Variants in FAF2 observed in about 807,000 individuals in gnomAD.
FAF2 encodes the protein Fas associated factor family member 2.
A neutral mutation model predicts 62.3 loss-of-function variants in FAF2; 9 were observed. The ratio of observed to expected loss-of-function variants is 0.14; its 90% CI spans 0.09 to 0.25. The LOEUF (loss-of-function observed/expected upper bound fraction) is 0.25, where lower values mean the gene tolerates loss of function less well. Among genes scored for constraint, FAF2 ranks in the 10% least tolerant of loss-of-function variants. The pLI is 1.00. For synonymous variants in FAF2, 202 were observed against 198.0 expected, an observed-to-expected ratio of 1.02 and a Z score of -0.17; for missense variants, 368 against 556.2, an observed-to-expected ratio of 0.66 and a Z score of 3.40.
Position 176,494,087 on chromosome 5 carries a change from A to G in FAF2, c.569+3A>G. The stretch of plus-strand genomic sequence containing the variant: ...CAGGACTCTGATGAGTTTTGTCGGT[A>G]AGTGGATTGATTATTTTCCTTCTCT... On this transcript the variant is annotated splice_donor_region_variant and intron_variant, in intron 6 of 10. Transcript: ENST00000261942. The surrounding 1 kb of genome is among the most constrained non-coding windows in gnomAD (Gnocchi z 4.0). The G allele has an allele frequency of 2.5e-6, 4 of 1,613,510 alleles. No homozygotes were observed. The highest frequency in any genetic ancestry group is 3.4e-6 in the Non-Finnish European group (4 of 1,179,462).
chr5:176,504,536 A>G (rs1442379965), intron 10 of FAF2, among the ~76,000 whole-genome samples: 2 of 151,836 alleles, frequency 1.3e-5, no homozygotes. Context: ...GTGAGCCGAG[A>G]TCCTGCCACT....
chr5:176,490,091 C>G (rs1396034769), intron 4 of FAF2, among the ~76,000 whole-genome samples: 1 of 151,904 alleles, frequency 6.6e-6, no homozygotes, highest in East Asian at 2.0e-4. Context: ...GTGGGCGGAT[C>G]ACAACGTCAG....
intron 2 of FAF2, among the ~76,000 whole-genome samples, chr5:176,481,367 A>G (rs1175332705): frequency 6.6e-6 from 1 of 152,002 alleles, no homozygotes; most frequent in African/African-American, 2.4e-5. Flanking sequence ...TTTCTAAGAG[A>G]CAGGGTTGGG....
At chr5:176,477,106 CCTT>C (rs1238399500) in intron 1 of FAF2, among the ~76,000 whole-genome samples, 2,875 of 143,582 alleles carry the variant, frequency 0.02, 70 homozygotes, top group African/African-American at 0.074. Context: ...CCGTGCCCGG[CCTT>C]TTTTTTTTTT....
Position 176,479,316 on chromosome 5 carries a change from C to T in FAF2, c.132+60C>T, listed in dbSNP as rs996727818. 1.7e-5 allele frequency: 23 copies of T among 1,355,100 alleles called. No homozygotes were observed. In the African/African-American group the frequency reaches 1.9e-4, roughly 11 times the overall value. 83.9% of individuals were successfully genotyped at this position (1,355,100 alleles called of 1,614,324 possible). A position where few individuals can be genotyped will look rare whatever the true frequency, so the allele number is the denominator to read the frequency against. On this transcript the variant is annotated intron_variant, in intron 2 of 10. Coordinates refer to ENST00000261942, the MANE Select transcript of FAF2 (RefSeq NM_014613.3). ...TCTCTGGTCTGATTAAGAGTCAAAA[C>T]CGTATGTTTTTCCATAGCAGGAATC...
chr5:176,491,055 A>G (rs938628491), intron 4 of FAF2, among the ~76,000 whole-genome samples: 1 of 152,176 alleles, frequency 6.6e-6, no homozygotes, highest in Non-Finnish European at 1.5e-5. Context: ...ACACAGGGGG[A>G]ATTTGTTGGG....
At chr5:176,472,170 T>C (rs1758582253) in intron 1 of FAF2, among the ~76,000 whole-genome samples, 1 of 151,920 alleles carries the variant, frequency 6.6e-6, no homozygotes, top group Admixed American at 6.6e-5. Context: ...TCACTCCGTC[T>C]CCCAGGCTAG....
intron 4 of FAF2, 66 bp from the exon 5 acceptor site, chr5:176,492,128 A>G (rs1758980815): frequency 6.3e-7 from 1 of 1,594,212 alleles, no homozygotes; most frequent in Non-Finnish European, 8.6e-7. Flanking sequence ...AATCTGTACA[A>G]ATTGGCCCAC....
rs1260294382 is a variant in FAF2, at chr5:176,507,855, G to A, written c.*905G>A. 6 of 152,800 alleles carry A rather than the reference G, an allele frequency of 3.9e-5. No homozygotes were observed. The allele number at this position is 152,800 out of a possible 1,614,324, so 9.5% of individuals were successfully genotyped here. A position where few individuals can be genotyped will look rare whatever the true frequency, so the allele number is the denominator to read the frequency against. On this transcript the variant is annotated 3_prime_UTR_variant, in exon 11 of 11. Coordinates refer to ENST00000261942, the MANE Select transcript of FAF2 (RefSeq NM_014613.3). ...CTTTTCCTTGGAGTCTGTACCAGGTGGTGGTTATGGGGTCTGAACCAAAGG... is the reference window on the plus strand; with the variant it reads ...CTTTTCCTTGGAGTCTGTACCAGGTAGTGGTTATGGGGTCTGAACCAAAGG...
At chr5:176,448,586 C>A in intron 1 of FAF2, 116 bp downstream of exon 1, 1 of 1,020,480 alleles carries the variant, frequency 9.8e-7, no homozygotes, top group Non-Finnish European at 1.4e-6. Context: ...AGCAGGCCGG[C>A]CCCCTCCCCC....
chr5:176,467,129 CTTTTTTTTTT>C (rs374702773), intron 1 of FAF2, among the ~76,000 whole-genome samples: 4 of 94,046 alleles, frequency 4.3e-5, no homozygotes, highest in Admixed American at 1.3e-4. Context: ...TTTTTTTTTC[CTTTTTTTTTT>C]TTTTTTTTTT....
Position 176,508,175 on chromosome 5 carries a change from TC to T in FAF2, c.*1226del. 6.6e-6 allele frequency: 1 copy of T among 152,634 alleles called. No individual in the cohort carries two copies. Among genetic ancestry groups the T allele is most frequent in the Non-Finnish European group, 1.5e-5 (1 of 68,048 alleles). The allele number at this position is 152,634 out of a possible 1,614,324, so 9.5% of individuals were successfully genotyped here. A position where few individuals can be genotyped will look rare whatever the true frequency, so the allele number is the denominator to read the frequency against. On this transcript the variant is annotated 3_prime_UTR_variant, in exon 11 of 11. Coordinates refer to ENST00000261942, the MANE Select transcript of FAF2 (RefSeq NM_014613.3). ...CTGGAGGCAGCTTTTATCCTTTCTC[TC>T]TATTGCTATGTTGAAGTAATAGGGT...
intron 2 of FAF2, among the ~76,000 whole-genome samples, chr5:176,483,089 G>A (rs1758810244): frequency 6.6e-6 from 1 of 150,388 alleles, no homozygotes; most frequent in Non-Finnish European, 1.5e-5. Flanking sequence ...TGGAGTCTTG[G>A]TTTGTTGCCC....
chr5:176,452,666 G>A (rs531821484), intron 1 of FAF2, among the ~76,000 whole-genome samples: 2 of 152,356 alleles, frequency 1.3e-5, no homozygotes, highest in Admixed American at 6.5e-5. Flanking sequence ...AGGGAGATGG[G>A]AAAGTGAAGT....
At chr5:176,481,872 C>T (rs1013266162) in intron 2 of FAF2, among the ~76,000 whole-genome samples, 4 of 152,118 alleles carry the variant, frequency 2.6e-5, no homozygotes, top group African/African-American at 9.7e-5. Context: ...TGGGTCTATA[C>T]CTAGGAATGG....
At chr5:176,472,129 G>GT (rs869146152) in intron 1 of FAF2, among the ~76,000 whole-genome samples, 96 of 147,094 alleles carry the variant, frequency 6.5e-4, no homozygotes, top group East Asian at 7.9e-4. Context: ...TTTGTTTTGA[G>GT]TTTTTTTTTT....
At position 176,494,095 on chromosome 5, in the gene FAF2, T is replaced by A. The variant is rs1759021090; in HGVS notation, c.569+11T>A. ...TGATGAGTTTTGTCGGTAAGTGGAT[T>A]GATTATTTTCCTTCTCTTTTCTGAC... On this transcript the variant is annotated intron_variant, in intron 6 of 10. Transcript: ENST00000261942. The surrounding 1 kb of genome is among the most constrained non-coding windows in gnomAD (Gnocchi z 4.0). 1.2e-6 allele frequency: 2 copies of A among 1,613,020 alleles called. No individual in the cohort carries two copies. The highest frequency in any genetic ancestry group is 2.7e-5 in the African/African-American group (2 of 74,914).
intron 1 of FAF2, among the ~76,000 whole-genome samples, chr5:176,470,637 T>A (rs1758550044): frequency 6.6e-6 from 1 of 152,024 alleles, no homozygotes; most frequent in Non-Finnish European, 1.5e-5. Flanking sequence ...AAAAACACAC[T>A]CACACACACA....
At chr5:176,464,895 T>C (rs2062378260) in intron 1 of FAF2, among the ~76,000 whole-genome samples, 1 of 152,156 alleles carries the variant, frequency 6.6e-6, no homozygotes, top group Non-Finnish European at 1.5e-5. Context: ...ATAGGCACTT[T>C]CTTTTTTTTT....
Sources: allele counts gnomAD v4.1 joint callset (sites outside exome capture counted in the v4.1 genomes callset), GRCh38; gene constraint gnomAD v4.1.1; non-coding constraint Gnocchi (gnomAD v3.1); transcripts MANE v1.5; gene names NCBI Gene and HGNC (gene_info 2026-07-23, HGNC 2026-07-21).